ENTPD1: variants seen among roughly 807,000 people sequenced by gnomAD.
ENTPD1 encodes the protein ectonucleoside triphosphate diphosphohydrolase 1.
In ENTPD1, 33 loss-of-function variants were observed where a neutral mutation model predicts 57.0. The observed-to-expected ratio is 0.58, with a 90% CI of 0.44 to 0.77. ENTPD1 has a LOEUF of 0.77. Among genes scored for constraint, ENTPD1 ranks in the 30% least tolerant of loss-of-function variants. The pLI is 0.00. For missense variants in ENTPD1, 501 were observed against 603.4 expected (o/e 0.83, Z 1.78); for synonymous variants, 202 against 218.8 (o/e 0.92, Z 0.68).
At position 95,837,268 on chromosome 10, in the gene ENTPD1, G is replaced by A. The variant is rs544695064; in HGVS notation, c.145-2423G>A. ...TGCTTCTACCTCACCAGTTTCTGTC[G>A]TATGCTGCTGTGGTTGGAACATTTT... On this transcript the variant is annotated intron_variant, in intron 2 of 9. Transcript: ENST00000371205. Among the ~76,000 whole-genome samples the A allele has an allele frequency of 3.0e-4, 46 of 152,296 alleles. 1 individual carries two copies. Among genetic ancestry groups the A allele is most frequent in the Non-Finnish European group, 5.4e-4 (37 of 68,018 alleles).
At chr10:95,728,646 T>C (rs1589649906) in intron 1 of ENTPD1, among the ~76,000 whole-genome samples, 1 of 152,206 alleles carries the variant, frequency 6.6e-6, no homozygotes, top group Non-Finnish European at 1.5e-5. Flanking sequence ...GATCAGTTTT[T>C]ACTGTGACAC....
rs2098482496 is a variant in ENTPD1 at position 95,873,378 on chromosome 10, T to C, written c.*6995T>C. On this transcript the variant is annotated 3_prime_UTR_variant, in exon 10 of 10. Transcript: ENST00000371205. Reference sequence around the variant, plus strand: ...TTGTCTGTGCCCCAGGAGATCCCTCTCTGCCTTGCCTTGCCCTCTGCCTTT... The same window carrying C: ...TTGTCTGTGCCCCAGGAGATCCCTCCCTGCCTTGCCTTGCCCTCTGCCTTT... 4.1e-6 allele frequency: 4 copies of C among 985,626 alleles called. No homozygotes were observed. The highest frequency in any genetic ancestry group is 4.8e-6 in the Non-Finnish European group (4 of 830,072). The allele number at this position is 985,626 out of a possible 1,614,324, so 61.1% of individuals were successfully genotyped here. A position where few individuals can be genotyped will look rare whatever the true frequency, so the allele number is the denominator to read the frequency against.
rs2098480253 is a variant in ENTPD1, at chr10:95,871,396, G to C, written c.*5013G>C. ...TAGCCTTAATCAGGATGCTGTGGCA[G>C]CTCCCACATTAGCCTCGCATTCTAA... On this transcript the variant is annotated 3_prime_UTR_variant, in exon 10 of 10. Transcript: ENST00000371205. 2 of 985,296 alleles carry C rather than the reference G, an allele frequency of 2.0e-6. No individual in the cohort carries two copies. The highest frequency in any genetic ancestry group is 2.4e-6 in the Non-Finnish European group (2 of 829,916). 61.0% of individuals were successfully genotyped at this position (985,296 alleles called of 1,614,324 possible). A position where few individuals can be genotyped will look rare whatever the true frequency, so the allele number is the denominator to read the frequency against.
At chr10:95,714,921 A>ATC (rs1467124417) in intron 1 of ENTPD1, among the ~76,000 whole-genome samples, 5 of 152,216 alleles carry the variant, frequency 3.3e-5, no homozygotes, top group Admixed American at 2.0e-4. Context: ...TCTGGATACT[A>ATC]TCTTACTGTT....
At chr10:95,854,244 T>C (rs2098450443) in intron 7 of ENTPD1, among the ~76,000 whole-genome samples, 1 of 152,240 alleles carries the variant, frequency 6.6e-6, no homozygotes, top group African/African-American at 2.4e-5. Context: ...TATTCTCTGA[T>C]GGTAGTTTGT....
At chr10:95,823,669 A>G (rs936196674) in intron 2 of ENTPD1, among the ~76,000 whole-genome samples, 1 of 152,234 alleles carries the variant, frequency 6.6e-6, no homozygotes, top group Admixed American at 6.5e-5. Flanking sequence ...GTGTAATACT[A>G]TGCCAAGATT....
chr10:95,757,039 G>A (rs987714137), intron 1 of ENTPD1, among the ~76,000 whole-genome samples: 4 of 152,214 alleles, frequency 2.6e-5, no homozygotes, highest in Non-Finnish European at 5.9e-5. Flanking sequence ...CAGCGTGTGA[G>A]AGCCAGGAAG....
At chr10:95,842,145 CAACTT>C (rs888176323) in intron 3 of ENTPD1, among the ~76,000 whole-genome samples, 194 bp from the exon 4 acceptor site, 4 of 152,120 alleles carry the variant, frequency 2.6e-5, no homozygotes, top group Non-Finnish European at 1.5e-5. Context: ...TGAACAGACC[CAACTT>C]AAAGTCTGGA....
intron 1 of ENTPD1, among the ~76,000 whole-genome samples, chr10:95,778,098 T>C (rs1281390504): frequency 6.6e-6 from 1 of 152,200 alleles, no homozygotes; most frequent in African/African-American, 2.4e-5. Flanking sequence ...CCCTTGCGCT[T>C]TCCAGGTGAG....
At chr10:95,863,056 T>G (rs2098467945) in intron 8 of ENTPD1, among the ~76,000 whole-genome samples, 1 of 152,118 alleles carries the variant, frequency 6.6e-6, no homozygotes, top group Admixed American at 6.5e-5. Flanking sequence ...CACATAGTGA[T>G]CCACCCACAG....
At chr10:95,757,630 A>C (rs2098033365) in intron 1 of ENTPD1, among the ~76,000 whole-genome samples, 1 of 152,126 alleles carries the variant, frequency 6.6e-6, no homozygotes, top group South Asian at 2.1e-4. Flanking sequence ...AGGTATTGTT[A>C]TTATGGTCTT....
chr10:95,713,395 A>T (rs1953710), intron 1 of ENTPD1, among the ~76,000 whole-genome samples: 127,935 of 152,202 alleles, frequency 0.84, 54,338 homozygotes, highest in Non-Finnish European at 0.91. Flanking sequence ...GACAATCAAA[A>T]TAAAGAAAGA....
Position 95,866,381 on chromosome 10 carries a change from T to C in ENTPD1, c.1531T>C (p.Ter511GlnextTer100), listed in dbSNP as rs1566260007. 2 of 1,614,126 alleles carry C rather than the reference T, an allele frequency of 1.2e-6. No individual in the cohort carries two copies. The highest frequency in any genetic ancestry group is 1.7e-6 in the Non-Finnish European group (2 of 1,180,018). The change falls in exon 10 of 10, where the codon TAG becomes CAG. Residue 511 changes from the stop codon to glutamine (Q), a stop_lost. Coordinates refer to ENST00000371205, the MANE Select transcript of ENTPD1 (RefSeq NM_001776.6). ...TTCATATTTCTGGAAAGATATGGTA[T>C]AGCAAAAGCAGCTGAAATATGCTGG... is the stretch of plus-strand genomic sequence containing the variant. Reference protein sequence around the residue: ...KPSYFWKDMV* With the variant: ...KPSYFWKDMVQ
At chr10:95,819,874 G>A (rs544214680) in intron 1 of ENTPD1, among the ~76,000 whole-genome samples, 3 of 152,270 alleles carry the variant, frequency 2.0e-5, no homozygotes, top group South Asian at 2.1e-4. Flanking sequence ...ATTCTGTTTC[G>A]AAATACCATT....
chr10:95,739,202 G>A (rs1381109428), intron 1 of ENTPD1, among the ~76,000 whole-genome samples: 1 of 152,188 alleles, frequency 6.6e-6, no homozygotes, highest in Non-Finnish European at 1.5e-5. Context: ...ACTGATCAGC[G>A]TGGTGGTTGC....
chr10:95,855,579 T>C (rs1028185802), intron 7 of ENTPD1, among the ~76,000 whole-genome samples: 1 of 152,196 alleles, frequency 6.6e-6, no homozygotes, highest in African/African-American at 2.4e-5. Context: ...TGGTACCAGT[T>C]GTTCCTTTCC....
At chr10:95,832,272 C>T (rs1222856126) in intron 2 of ENTPD1, among the ~76,000 whole-genome samples, 2 of 152,142 alleles carry the variant, frequency 1.3e-5, no homozygotes, top group African/African-American at 4.8e-5. Flanking sequence ...TCAGAGCCTT[C>T]TCAGTTTGAA....
Position 95,839,289 on chromosome 10 carries a change from A to G in ENTPD1, c.145-402A>G, listed in dbSNP as rs114916997. The G allele has an allele frequency of 4.7e-3, 1,264 of 267,482 alleles. 18 individuals carry two copies. Among genetic ancestry groups the G allele is most frequent in the African/African-American group, 0.026 (1,176 of 45,006 alleles). The allele number at this position is 267,482 out of a possible 1,614,324, so 16.6% of individuals were successfully genotyped here. On this transcript the variant is annotated intron_variant, in intron 2 of 9. Transcript: ENST00000371205. ...GCATCAGTAGCCATTGAAGCTTTCCAGGTGATTCCCGTATGATTCCAATGT... is the reference window on the plus strand; with the variant it reads ...GCATCAGTAGCCATTGAAGCTTTCCGGGTGATTCCCGTATGATTCCAATGT...
intron 1 of ENTPD1, among the ~76,000 whole-genome samples, chr10:95,784,112 T>TTG (rs2098168663): frequency 6.6e-6 from 1 of 151,198 alleles, no homozygotes; most frequent in South Asian, 2.1e-4. Flanking sequence ...CTTTTTTTTT[T>TTG]TTTTTTGATT....
Sources: gnomAD v4.1 joint callset for allele counts (sites outside exome capture counted in the v4.1 genomes callset) on GRCh38, gnomAD v4.1.1 for gene constraint, MANE v1.5 for transcripts, NCBI Gene and HGNC (gene_info 2026-07-23, HGNC 2026-07-21) for gene names.